The following PEBP4 variants were observed in gnomAD, a reference collection of about 807,000 sequenced individuals.
PEBP4 encodes phosphatidylethanolamine-binding protein 4.
A neutral mutation model predicts 23.9 loss-of-function variants in PEBP4; 22 were observed. The observed-to-expected ratio is 0.92, with a 90% confidence interval of 0.66 to 1.31. The LOEUF (loss-of-function observed/expected upper bound fraction) is 1.31, where lower values mean the gene tolerates loss of function less well. Among genes scored for constraint, PEBP4 ranks in the 40% most tolerant of loss-of-function variants. The pLI, the probability that PEBP4 is intolerant of heterozygous loss-of-function variation, is 0.00. For synonymous variants in PEBP4, 112 were observed against 99.3 expected (o/e 1.13, Z -0.76); for missense variants, 324 against 281.7 (o/e 1.15, Z -1.07).
intron 4 of PEBP4, among the ~76,000 whole-genome samples, chr8:22,740,087 G>A (rs1397189481): frequency 1.3e-5 from 2 of 152,170 alleles, no homozygotes; most frequent in Admixed American, 6.5e-5. Flanking sequence ...ACCCTTTGGA[G>A]CCTCTTCTCT....
intron 4 of PEBP4, among the ~76,000 whole-genome samples, chr8:22,750,226 T>C (rs1805224184): frequency 6.6e-6 from 1 of 152,080 alleles, no homozygotes; most frequent in Non-Finnish European, 1.5e-5. Flanking sequence ...CTCAGCCTCC[T>C]GAGTAGCTGG....
At chr8:22,843,534 G>A (rs1011949214) in intron 3 of PEBP4, among the ~76,000 whole-genome samples, 3 of 152,210 alleles carry the variant, frequency 2.0e-5, no homozygotes, top group African/African-American at 7.2e-5. Flanking sequence ...AACCAGGCCT[G>A]GGAGAACCTG....
chr8:22,870,364 A>G (rs1373666482), intron 3 of PEBP4, among the ~76,000 whole-genome samples: 1 of 152,230 alleles, frequency 6.6e-6, no homozygotes, highest in Non-Finnish European at 1.5e-5. Context: ...GATCCTAACT[A>G]TACAACATTC....
At chr8:22,833,961 A>T (rs563288207) in intron 3 of PEBP4, among the ~76,000 whole-genome samples, 1 of 152,326 alleles carries the variant, frequency 6.6e-6, no homozygotes, top group Admixed American at 6.5e-5. Context: ...TCTATGACTG[A>T]CTACAACCCA....
At chr8:22,933,372 G>C (rs1809490205) in intron 1 of PEBP4, among the ~76,000 whole-genome samples, 1 of 152,176 alleles carries the variant, frequency 6.6e-6, no homozygotes, top group African/African-American at 2.4e-5. Context: ...AGACATATTA[G>C]AATCAAACTG....
intron 4 of PEBP4, among the ~76,000 whole-genome samples, chr8:22,779,203 T>C (rs953754817): frequency 7.2e-5 from 11 of 152,126 alleles, no homozygotes; most frequent in African/African-American, 2.4e-4. Context: ...TGGCTCCCCA[T>C]AGAAGGATCC....
chr8:22,921,648 G>C (rs753558270), intron 2 of PEBP4, among the ~76,000 whole-genome samples: 1 of 152,266 alleles, frequency 6.6e-6, no homozygotes, highest in Non-Finnish European at 1.5e-5. Flanking sequence ...GAAGTCACAT[G>C]CTCTGGTCTC....
At chr8:22,886,967 G>T (rs939634863) in intron 3 of PEBP4, 2 of 152,198 alleles carry the variant, frequency 1.3e-5, no homozygotes, top group African/African-American at 4.8e-5. Flanking sequence ...AAAGTTGCAG[G>T]GTGTAGGGGA....
chr8:22,735,120 G>T (rs28406186), intron 4 of PEBP4, among the ~76,000 whole-genome samples: 2,020 of 152,292 alleles, frequency 0.013, 47 homozygotes, highest in African/African-American at 0.046. Flanking sequence ...TGAATGAGAG[G>T]CCCTGTGTTG....
chr8:22,715,322 C>T (rs1415632505), intron 6 of PEBP4, among the ~76,000 whole-genome samples: 1 of 152,252 alleles, frequency 6.6e-6, no homozygotes, highest in East Asian at 1.9e-4. Context: ...GCCTGAGCCT[C>T]TGCACCCTAG....
intron 4 of PEBP4, among the ~76,000 whole-genome samples, chr8:22,813,959 T>C (rs779490851): frequency 4.3e-4 from 66 of 152,314 alleles, no homozygotes; most frequent in Non-Finnish European, 9.0e-4. Flanking sequence ...ATAGAAGCCC[T>C]GTGAGGGCAG....
In PEBP4 at chr8:22,865,507, G is replaced by A. The variant is rs1253713561; in HGVS notation, c.259-47772C>T. ...GCCCCCCCGGCCGCGCAGCGAGAAGGAGCCTCGGGGAAGAGCTAAAAAAGG... is the reference window on the plus strand; with the variant it reads ...GCCCCCCCGGCCGCGCAGCGAGAAGAAGCCTCGGGGAAGAGCTAAAAAAGG... On this transcript the variant is annotated intron_variant, in intron 3 of 6. Coordinates refer to ENST00000256404, the MANE Select transcript of PEBP4 (RefSeq NM_144962.3). The surrounding 1 kb of genome is among the most constrained non-coding windows in gnomAD (Gnocchi z 6.9). Among the ~76,000 whole-genome samples the A allele has an allele frequency of 6.6e-6, 1 of 152,140 alleles. No homozygotes were observed. Among genetic ancestry groups the A allele is most frequent in the African/African-American group, 2.4e-5 (1 of 41,436 alleles).
At chr8:22,846,909 C>T (rs1159214517) in intron 3 of PEBP4, among the ~76,000 whole-genome samples, 1 of 152,144 alleles carries the variant, frequency 6.6e-6, no homozygotes, top group South Asian at 2.1e-4. Flanking sequence ...TGCCTCTGAT[C>T]CCAGCACTTT....
upstream of PEBP4, among the ~76,000 whole-genome samples, chr8:22,931,523 A>T (rs893758289): frequency 6.6e-6 from 1 of 152,040 alleles, no homozygotes; most frequent in African/African-American, 2.4e-5. Context: ...ACTTTCTTGG[A>T]CATTTTCATC....
At chr8:22,840,043 A>T (rs1212086514) in intron 3 of PEBP4, among the ~76,000 whole-genome samples, 2 of 152,208 alleles carry the variant, frequency 1.3e-5, no homozygotes. Flanking sequence ...TAAATAAGAC[A>T]TTTGTTGGGG....
chr8:22,901,696 C>T (rs531920865), intron 3 of PEBP4, among the ~76,000 whole-genome samples: 2 of 152,188 alleles, frequency 1.3e-5, no homozygotes, highest in South Asian at 2.1e-4. Flanking sequence ...TGTAGGAGCA[C>T]GCTGACAGAA....
At chr8:22,897,522 C>T (rs552039305) in intron 3 of PEBP4, among the ~76,000 whole-genome samples, 11 of 152,222 alleles carry the variant, frequency 7.2e-5, no homozygotes, top group African/African-American at 2.6e-4. Flanking sequence ...AAAATACCAC[C>T]GAGTATTTTG....
At chr8:22,931,909 A>G (rs7005993), upstream of PEBP4, among the ~76,000 whole-genome samples, 129,245 of 152,248 alleles carry the variant, frequency 0.85, 55,193 homozygotes, top group African/African-American at 0.94. Flanking sequence ...CCTGGGTCTT[A>G]CAAACCTTTG....
Position 22,724,847 on chromosome 8 carries a change from A to G in PEBP4, c.513T>C (p.Thr171=), listed in dbSNP as rs1804590796. The change falls in exon 6 of 7, where the codon ACT becomes ACC. Residue 171 remains threonine, a synonymous_variant. Coordinates refer to ENST00000256404, the MANE Select transcript of PEBP4 (RefSeq NM_144962.3). ...VISLLPKENK[T]RGSWKMDRFL... is the part of the protein sequence containing the mutation. The stretch of plus-strand genomic sequence containing the variant: ...GGAAGGATGGGGAGGTCTTACCTCG[A>G]GTTTTGTTTTCCTTGGGAAGGAGAG... 6.2e-7 allele frequency: 1 copy of G among 1,611,564 alleles called. No homozygotes were observed. The highest frequency in any genetic ancestry group is 1.1e-5 in the South Asian group (1 of 91,016).
Sources: gnomAD v4.1 joint callset for allele counts (sites outside exome capture counted in the v4.1 genomes callset) on GRCh38, gnomAD v4.1.1 for gene constraint, Gnocchi (gnomAD v3.1) non-coding constraint, MANE v1.5 for transcripts, NCBI Gene and HGNC (gene_info 2026-07-23, HGNC 2026-07-21) for gene names.